P2RY14: variants seen among roughly 807,000 people sequenced by gnomAD.
P2RY14 encodes P2Y purinoceptor 14.
Under a neutral mutation model 0.9 loss-of-function variants are expected in P2RY14, and 2 were observed. The ratio of observed to expected loss-of-function variants is 2.16; its 90% CI spans 0.88 to 6.79. The LOEUF is 6.79. P2RY14 is among the 30% of genes most tolerant of loss of function. P2RY14 has a pLI of 0.05. For synonymous variants in P2RY14, 158 were observed against 147.2 expected, an observed-to-expected ratio of 1.07 and a Z score of -0.53; for missense variants, 378 against 400.1, an observed-to-expected ratio of 0.94 and a Z score of 0.47.
intron 1 of P2RY14, among the ~76,000 whole-genome samples, chr3:151,223,986 A>T (rs562105719): frequency 6.6e-6 from 1 of 152,212 alleles, no homozygotes. Context: ...TGTATCTGTG[A>T]TATTTTATTT....
chr3:151,237,350 C>CTTTTTTTTT (rs57239604), intron 1 of P2RY14, among the ~76,000 whole-genome samples: 1 of 94,602 alleles, frequency 1.1e-5, no homozygotes, highest in Non-Finnish European at 1.9e-5. Flanking sequence ...TTTTTTTTTT[C>CTTTTTTTTT]TTTTTTTTTT....
intron 1 of P2RY14, among the ~76,000 whole-genome samples, chr3:151,234,277 C>A (rs530180303): frequency 2.0e-5 from 3 of 152,328 alleles, no homozygotes; most frequent in South Asian, 2.1e-4. Flanking sequence ...TAGTAACTTT[C>A]AAAGCTTCAA....
intron 1 of P2RY14, among the ~76,000 whole-genome samples, chr3:151,236,143 A>G (rs1363186303): frequency 1.3e-5 from 2 of 152,220 alleles, no homozygotes. Flanking sequence ...AGGAGGTCCC[A>G]GAATAGAGCT....
At chr3:151,274,948 C>G (rs1465145017) in intron 1 of P2RY14, among the ~76,000 whole-genome samples, 1 of 152,138 alleles carries the variant, frequency 6.6e-6, no homozygotes, top group Non-Finnish European at 1.5e-5. Flanking sequence ...GGATTTCATT[C>G]ATCATCTGTA....
At chr3:151,232,993 C>A (rs1732003737) in intron 1 of P2RY14, among the ~76,000 whole-genome samples, 2 of 152,186 alleles carry the variant, frequency 1.3e-5, no homozygotes, top group Admixed American at 1.3e-4. Flanking sequence ...AAATATTCTT[C>A]TAACAGCTAT....
At chr3:151,273,043 G>A (rs930715970) in intron 1 of P2RY14, among the ~76,000 whole-genome samples, 5 of 152,072 alleles carry the variant, frequency 3.3e-5, no homozygotes, top group Non-Finnish European at 5.9e-5. Flanking sequence ...CATCTGCTAA[G>A]TGTAATGCAA....
chr3:151,266,599 C>T (rs1452214993), intron 1 of P2RY14, among the ~76,000 whole-genome samples: 1 of 152,162 alleles, frequency 6.6e-6, no homozygotes, highest in East Asian at 1.9e-4. Context: ...TTTCCTTGAA[C>T]ATTCTTTCCT....
intron 1 of P2RY14, among the ~76,000 whole-genome samples, chr3:151,244,452 G>A (rs1282900283): frequency 1.4e-5 from 2 of 143,012 alleles, no homozygotes; most frequent in South Asian, 4.9e-4. Flanking sequence ...TAGAACTCAG[G>A]ATTAAGAATC....
chr3:151,268,979 A>G (rs1030502034), intron 1 of P2RY14, among the ~76,000 whole-genome samples: 4 of 152,168 alleles, frequency 2.6e-5, no homozygotes, highest in African/African-American at 9.7e-5. Flanking sequence ...TGGTTCTTGA[A>G]CTTTCCTAGC....
chr3:151,271,563 G>A (rs889909774), intron 1 of P2RY14, among the ~76,000 whole-genome samples: 20 of 152,174 alleles, frequency 1.3e-4, no homozygotes, highest in Non-Finnish European at 2.5e-4. Flanking sequence ...AATATTCATA[G>A]CAACTCTTTT....
At chr3:151,250,448 C>T (rs1196114779) in intron 1 of P2RY14, among the ~76,000 whole-genome samples, 2 of 152,104 alleles carry the variant, frequency 1.3e-5, no homozygotes. Flanking sequence ...TTATCCTTGC[C>T]CCTAGTCCCT....
At chr3:151,222,576 T>C (rs1729581070) in intron 1 of P2RY14, among the ~76,000 whole-genome samples, 1 of 152,212 alleles carries the variant, frequency 6.6e-6, no homozygotes, top group South Asian at 2.1e-4. Context: ...CTCTCTTCTC[T>C]TGTCTGCCAC....
chr3:151,271,902 A>G (rs528167542), intron 1 of P2RY14, among the ~76,000 whole-genome samples: 27 of 152,328 alleles, frequency 1.8e-4, no homozygotes, highest in Non-Finnish European at 1.2e-4. Context: ...TGATGGAAAT[A>G]CTATTTATCT....
intron 1 of P2RY14, among the ~76,000 whole-genome samples, chr3:151,238,968 CTGAA>C (rs1234121738): frequency 6.6e-6 from 1 of 152,162 alleles, no homozygotes; most frequent in Non-Finnish European, 1.5e-5. Flanking sequence ...TTTCTCAAAA[CTGAA>C]TGAACTGAGA....
At chr3:151,233,593 C>T (rs544270753) in intron 1 of P2RY14, among the ~76,000 whole-genome samples, 14 of 152,204 alleles carry the variant, frequency 9.2e-5, no homozygotes, top group African/African-American at 1.9e-4. Flanking sequence ...ATTAGCTGGG[C>T]GTGGTGGCAG....
intron 1 of P2RY14, among the ~76,000 whole-genome samples, chr3:151,276,817 C>G (rs1015051249): frequency 3.9e-5 from 6 of 152,208 alleles, no homozygotes; most frequent in Non-Finnish European, 7.3e-5. Flanking sequence ...ATACTTCTTC[C>G]TCTGCACCCG....
At chr3:151,225,651 G>C (rs1212720032) in intron 1 of P2RY14, among the ~76,000 whole-genome samples, 2 of 152,168 alleles carry the variant, frequency 1.3e-5, no homozygotes, top group African/African-American at 4.8e-5. Flanking sequence ...TCTCATCCGT[G>C]TTCTGCATTC....
intron 1 of P2RY14, among the ~76,000 whole-genome samples, chr3:151,265,800 TA>T (rs1372024929): frequency 1.3e-5 from 2 of 152,156 alleles, no homozygotes; most frequent in East Asian, 1.9e-4. Flanking sequence ...TGTGTTTGTA[TA>T]AAAAAATTTC....
At chr3:151,237,335 GCTTTTTTTTTTTTT>G (rs1243392396) in intron 1 of P2RY14, among the ~76,000 whole-genome samples, 4 of 120,818 alleles carry the variant, frequency 3.3e-5, no homozygotes, top group African/African-American at 1.3e-4. Context: ...ACCACGCCTG[GCTTTTTTTTTTTTT>G]CTTTTTTTTT....
Sources: gnomAD v4.1 joint callset for allele counts (sites outside exome capture counted in the v4.1 genomes callset) on GRCh38, gnomAD v4.1.1 for gene constraint, MANE v1.5 for transcripts, NCBI Gene and HGNC (gene_info 2026-07-23, HGNC 2026-07-21) for gene names.